The following VAV1 variants were observed in gnomAD, a reference collection of about 807,000 sequenced individuals.
The protein encoded by VAV1 is vav guanine nucleotide exchange factor 1, also known as proto-oncogene vav.
VAV1 carries 33 observed loss-of-function variants against 128.1 expected under a neutral mutation model. That is an observed-to-expected ratio of 0.26 (90% CI 0.20 to 0.34). VAV1 has a LOEUF of 0.34. Ranked by LOEUF, VAV1 falls within the 10% of genes least tolerant of loss-of-function variation. VAV1 has a pLI of 1.00. For missense variants in VAV1, 715 were observed against 1,093.7 expected, an observed-to-expected ratio of 0.65 and a Z score of 4.88; for synonymous variants, 394 against 409.8, an observed-to-expected ratio of 0.96 and a Z score of 0.47.
Position 6,828,367 on chromosome 19 carries a change from G to A in VAV1, c.1024-52G>A, listed in dbSNP as rs528305636. ...TAGCATTGTTTGGAAGGCCCTCCCCGCAGGGAGAAGGGGAGGGGCCCAGGT... is the reference window on the plus strand; with the variant it reads ...TAGCATTGTTTGGAAGGCCCTCCCCACAGGGAGAAGGGGAGGGGCCCAGGT... On this transcript the variant is annotated intron_variant, in intron 10 of 26. Coordinates refer to ENST00000602142, the MANE Select transcript of VAV1 (RefSeq NM_005428.4). This position sits in a 1 kb window ranked among gnomAD's most constrained non-coding sequence, Gnocchi z 4.5. 1.2e-6 allele frequency: 2 copies of A among 1,600,016 alleles called. No individual in the cohort carries two copies. The highest frequency in any genetic ancestry group is 1.8e-4 in the Middle Eastern group (1 of 5,522).
chr19:6,835,387 C>T (rs1972195677), intron 19 of VAV1, among the ~76,000 whole-genome samples: 1 of 152,106 alleles, frequency 6.6e-6, no homozygotes, highest in African/African-American at 2.4e-5. Flanking sequence ...TCCAGAACTG[C>T]ACTGTGTAAT....
Position 6,848,323 on chromosome 19 carries a change from A to G in VAV1, c.2129+209A>G, listed in dbSNP as rs183583124. 1.9e-4 allele frequency among the ~76,000 whole-genome samples: 29 copies of G among 152,320 alleles called. 1 individual carries two copies. Among genetic ancestry groups the G allele is most frequent in the African/African-American group, 5.8e-4 (24 of 41,584 alleles). On this transcript the variant is annotated intron_variant, in intron 23 of 26. Coordinates refer to ENST00000602142, the MANE Select transcript of VAV1 (RefSeq NM_005428.4). ...GAGATATGATTCCTATAGAGGCTCA[A>G]AAAGGCTCTTAAAATTAATTAATTA...
chr19:6,827,920 T>C (rs945864117), intron 9 of VAV1, among the ~76,000 whole-genome samples, 156 bp from the exon 10 acceptor site: 3 of 152,144 alleles, frequency 2.0e-5, no homozygotes, highest in African/African-American at 4.8e-5. Context: ...TCCTGTTTCC[T>C]TGGGGGCAGA....
intron 1 of VAV1, among the ~76,000 whole-genome samples, chr19:6,784,802 A>G (rs909937385): frequency 6.6e-6 from 1 of 151,504 alleles, no homozygotes; most frequent in Non-Finnish European, 1.5e-5. Context: ...CCTCCATTCT[A>G]TTCTATTCAC....
Position 6,826,588 on chromosome 19 carries a change from T to A in VAV1, c.828-24T>A. 1.9e-6 allele frequency: 3 copies of A among 1,539,636 alleles called. No individual in the cohort carries two copies. The highest frequency in any genetic ancestry group is 2.6e-6 in the Non-Finnish European group (3 of 1,137,418). The stretch of plus-strand genomic sequence containing the variant: ...GACCTTGATGCCAGTCACCTTTACC[T>A]GGTGGCCTGTCTTCTCCCTGTAGGT... On this transcript the variant is annotated intron_variant, in intron 8 of 26. Transcript: ENST00000602142. This position sits in a 1 kb window ranked among gnomAD's most constrained non-coding sequence, Gnocchi z 4.1.
chr19:6,780,617 G>A (rs1970749478), intron 1 of VAV1, among the ~76,000 whole-genome samples: 1 of 145,254 alleles, frequency 6.9e-6, no homozygotes, highest in African/African-American at 2.5e-5. Flanking sequence ...TATTCCTCAG[G>A]CTGGAGTGCA....
At chr19:6,851,014 T>A (rs1219967232) in intron 24 of VAV1, among the ~76,000 whole-genome samples, 1 of 152,112 alleles carries the variant, frequency 6.6e-6, no homozygotes, top group East Asian at 1.9e-4. Context: ...TATTCAAGCA[T>A]TATGTATATA....
At position 6,826,231 on chromosome 19, in the gene VAV1, G is replaced by C. The variant is rs376316841; in HGVS notation, c.828-381G>C. Among the ~76,000 whole-genome samples the C allele has an allele frequency of 1.3e-5, 2 of 151,204 alleles. No homozygotes were observed. The highest frequency in any genetic ancestry group is 2.1e-4 in the South Asian group (1 of 4,786). On this transcript the variant is annotated intron_variant, in intron 8 of 26. Transcript: ENST00000602142. The surrounding 1 kb of genome is among the most constrained non-coding windows in gnomAD (Gnocchi z 4.1). ...CAGGTGTCTGTAATCCCAGCTACTC[G>C]GGGGGCTGAAGCAGGAGAATCGCTT...
At chr19:6,814,677 T>TTTCC (rs1971593996) in intron 1 of VAV1, among the ~76,000 whole-genome samples, 6 of 102,966 alleles carry the variant, frequency 5.8e-5, no homozygotes, top group African/African-American at 9.6e-5. Context: ...CCTTCCTTTC[T>TTTCC]TTCTTTCTTT....
At chr19:6,821,228 C>T (rs946946084) in intron 2 of VAV1, among the ~76,000 whole-genome samples, 2 of 151,908 alleles carry the variant, frequency 1.3e-5, no homozygotes, top group East Asian at 1.9e-4. Context: ...AGTGAAACCC[C>T]GTCTCTACTA....
At position 6,821,998 on chromosome 19, in the gene VAV1, T is replaced by TGGG. The variant is rs1971801206; in HGVS notation, c.449+141_449+143dup. The TGGG allele has an allele frequency of 1.2e-5, 15 of 1,258,212 alleles. No individual in the cohort carries two copies. The South Asian group carries it at 1.8e-4, about 15-fold the overall frequency. The allele number at this position is 1,258,212 out of a possible 1,614,324, so 77.9% of individuals were successfully genotyped here. A position where few individuals can be genotyped will look rare whatever the true frequency, so the allele number is the denominator to read the frequency against. On this transcript the variant is annotated intron_variant, in intron 4 of 26. Coordinates refer to ENST00000602142, the MANE Select transcript of VAV1 (RefSeq NM_005428.4). The stretch of plus-strand genomic sequence containing the variant: ...GGGCACACAACCTTGCCTGAGAGTC[T>TGGG]GGGGAGACACAGCCCTGCCCTGGGG...
At chr19:6,837,341 C>T (rs1419592224) in intron 21 of VAV1, among the ~76,000 whole-genome samples, 1 of 152,226 alleles carries the variant, frequency 6.6e-6, no homozygotes, top group Admixed American at 6.5e-5. Context: ...GGGCCTGCCC[C>T]TTGCTTCCTT....
At chr19:6,855,135 C>T (rs543677802) in intron 26 of VAV1, among the ~76,000 whole-genome samples, 10 of 152,308 alleles carry the variant, frequency 6.6e-5, no homozygotes, top group Admixed American at 5.2e-4. Context: ...GATGACTTCT[C>T]AGCCTCTAGA....
At chr19:6,773,274 T>G (rs965449325) in intron 1 of VAV1, among the ~76,000 whole-genome samples, 1 of 151,932 alleles carries the variant, frequency 6.6e-6, no homozygotes, top group Admixed American at 6.6e-5. Context: ...AGGGGTTAAC[T>G]CTCTCAAGCC....
chr19:6,806,443 C>CT (rs1568295376), intron 1 of VAV1, among the ~76,000 whole-genome samples: 1 of 152,038 alleles, frequency 6.6e-6, no homozygotes, highest in African/African-American at 2.4e-5. Flanking sequence ...GAGAAGCAAA[C>CT]TCGTATGTGG....
chr19:6,789,839 C>G (rs1970978490), intron 1 of VAV1, among the ~76,000 whole-genome samples: 1 of 151,090 alleles, frequency 6.6e-6, no homozygotes, highest in Non-Finnish European at 1.5e-5. Context: ...CCTCAAGTGA[C>G]CTGCCTGCCT....
intron 19 of VAV1, 28 bp from the exon 20 acceptor site, chr19:6,836,404 C>T (rs777545770): frequency 1.2e-6 from 2 of 1,606,166 alleles, no homozygotes; most frequent in East Asian, 4.5e-5. Flanking sequence ...CTGCCAACCA[C>T]CCTGTACTCC....
At chr19:6,817,750 C>T (rs541222205) in intron 1 of VAV1, among the ~76,000 whole-genome samples, 78 of 151,688 alleles carry the variant, frequency 5.1e-4, no homozygotes, top group Middle Eastern at 3.4e-3. Flanking sequence ...GCAGTGGCAC[C>T]GTCGTGGCTC....
intron 1 of VAV1, among the ~76,000 whole-genome samples, chr19:6,778,249 C>G (rs919894586): frequency 3.5e-4 from 53 of 152,160 alleles, no homozygotes; most frequent in African/African-American, 1.2e-3. Context: ...CCACTGTGCT[C>G]TTGAAGTCCA....
Sources: gnomAD v4.1 joint callset for allele counts (sites outside exome capture counted in the v4.1 genomes callset) on GRCh38, gnomAD v4.1.1 for gene constraint, Gnocchi (gnomAD v3.1) non-coding constraint, MANE v1.5 for transcripts, NCBI Gene and HGNC (gene_info 2026-07-23, HGNC 2026-07-21) for gene names.